NUP37: variants seen among roughly 807,000 people sequenced by gnomAD.
NUP37 encodes nucleoporin Nup37.
A neutral mutation model predicts 45.4 loss-of-function variants in NUP37; 33 were observed. The observed-to-expected ratio is 0.73, with a 90% CI of 0.55 to 0.97. The LOEUF (loss-of-function observed/expected upper bound fraction) is 0.97, where lower values mean the gene tolerates loss of function less well. Ranked by LOEUF, NUP37 falls within the 50% of genes least tolerant of loss-of-function variation. The pLI is 0.00. For missense variants in NUP37, 365 were observed against 389.7 expected (o/e 0.94, Z 0.53); for synonymous variants, 127 against 130.7 (o/e 0.97, Z 0.19).
intron 1 of NUP37, among the ~76,000 whole-genome samples, chr12:102,118,821 T>C (rs1880579558): frequency 6.6e-6 from 1 of 152,236 alleles, no homozygotes; most frequent in South Asian, 2.1e-4. Context: ...ACTGCAAAGT[T>C]CTGTTTAGAT....
chr12:102,105,406 T>C (rs571217226), intron 3 of NUP37, among the ~76,000 whole-genome samples: 1 of 151,876 alleles, frequency 6.6e-6, no homozygotes, highest in Non-Finnish European at 1.5e-5. Context: ...GGCGTGTGCC[T>C]GTAGTCCCAG....
chr12:102,076,553 G>A (rs940703288), intron 8 of NUP37, among the ~76,000 whole-genome samples: 1 of 152,154 alleles, frequency 6.6e-6, no homozygotes, highest in Non-Finnish European at 1.5e-5. Context: ...AAATTGTAGG[G>A]GTGGTAGTGG....
intron 8 of NUP37, among the ~76,000 whole-genome samples, chr12:102,075,891 T>G (rs909266383): frequency 5.9e-5 from 9 of 152,038 alleles, no homozygotes; most frequent in African/African-American, 1.9e-4. Context: ...TTTTTTTTTT[T>G]GTTTAATTGT....
At chr12:102,085,726 C>A (rs1402190052) in intron 6 of NUP37, 40 bp downstream of exon 6, 3 of 980,958 alleles carry the variant, frequency 3.1e-6, no homozygotes, top group African/African-American at 1.7e-5. Flanking sequence ...CTCTATAAGT[C>A]TTTTCAATTT....
intron 4 of NUP37, among the ~76,000 whole-genome samples, chr12:102,100,103 C>T (rs1225486754): frequency 1.3e-5 from 2 of 152,064 alleles, no homozygotes; most frequent in Non-Finnish European, 2.9e-5. Flanking sequence ...CTAAATTAAC[C>T]GTAAATGTTT....
At chr12:102,119,891 C>A (rs747732666) in intron 1 of NUP37, among the ~76,000 whole-genome samples, 159 bp downstream of exon 1, 1 of 152,182 alleles carries the variant, frequency 6.6e-6, no homozygotes, top group African/African-American at 2.4e-5. Flanking sequence ...CTGCAATGAG[C>A]GCCGACACCT....
chr12:102,113,470 A>G (rs1318039299), intron 2 of NUP37, among the ~76,000 whole-genome samples: 1 of 152,220 alleles, frequency 6.6e-6, no homozygotes, highest in African/African-American at 2.4e-5. Flanking sequence ...GCCTTTATGG[A>G]TAACACATTT....
chr12:102,110,368 G>A (rs1025870265), intron 3 of NUP37, among the ~76,000 whole-genome samples: 5 of 151,640 alleles, frequency 3.3e-5, no homozygotes, highest in African/African-American at 1.2e-4. Context: ...GGGAGTGGTG[G>A]TGCATGCCTG....
chr12:102,104,098 G>A (rs557764216), intron 3 of NUP37, among the ~76,000 whole-genome samples: 8 of 152,272 alleles, frequency 5.3e-5, no homozygotes, highest in African/African-American at 1.4e-4. Flanking sequence ...GTATAGAAAA[G>A]TTTCAATTTC....
chr12:102,094,131 ATC>A (rs1222027554), intron 5 of NUP37, among the ~76,000 whole-genome samples: 1 of 152,106 alleles, frequency 6.6e-6, no homozygotes, highest in Non-Finnish European at 1.5e-5. Flanking sequence ...ACGACAAAGA[ATC>A]TCTATGTTCC....
chr12:102,104,841 T>C (rs1188615370), intron 3 of NUP37, among the ~76,000 whole-genome samples: 3 of 152,242 alleles, frequency 2.0e-5, no homozygotes, highest in African/African-American at 7.2e-5. Context: ...ACTGTTTTGA[T>C]TACTGTATAG....
intron 3 of NUP37, 83 bp from the exon 4 acceptor site, chr12:102,101,187 G>T: frequency 1.5e-6 from 1 of 647,464 alleles, no homozygotes. Flanking sequence ...CTTCCCTTCA[G>T]ATCACTGAAG....
intron 1 of NUP37, 130 bp from the exon 2 acceptor site, chr12:102,118,713 G>A: frequency 6.0e-6 from 3 of 503,486 alleles, no homozygotes; most frequent in South Asian, 7.4e-5. Flanking sequence ...ACTTATCAAG[G>A]GACAGAAACT....
chr12:102,083,396 G>A (rs1037807548), intron 6 of NUP37, among the ~76,000 whole-genome samples: 2 of 152,206 alleles, frequency 1.3e-5, no homozygotes, highest in Non-Finnish European at 2.9e-5. Context: ...TAATTCTACT[G>A]ATGAAAGACT....
chr12:102,090,136 TTC>T (rs1175577674), intron 5 of NUP37, among the ~76,000 whole-genome samples: 1 of 152,212 alleles, frequency 6.6e-6, no homozygotes, highest in African/African-American at 2.4e-5. Context: ...AGCCAAAACT[TTC>T]TCTCATTTTC....
intron 3 of NUP37, among the ~76,000 whole-genome samples, chr12:102,108,828 C>A (rs1402235888): frequency 6.6e-6 from 1 of 152,090 alleles, no homozygotes; most frequent in Non-Finnish European, 1.5e-5. Context: ...TCAGTTATAG[C>A]ATAATGAAAT....
Position 102,073,604 on chromosome 12 carries a change from A to AT in NUP37, c.*749dup, listed in dbSNP as rs950160877. ...TCACATATTTAAGAAACTGAAAACAATTTTTTACATTAAATTGAGTACACA... is the reference window on the plus strand; with the variant it reads ...TCACATATTTAAGAAACTGAAAACAATTTTTTTACATTAAATTGAGTACACA... On this transcript the variant is annotated 3_prime_UTR_variant, in exon 10 of 10. Coordinates refer to ENST00000552283, the MANE Select transcript of NUP37 (RefSeq NM_024057.4). 1 of 152,122 alleles carries AT rather than the reference A, an allele frequency of 6.6e-6. No individual in the cohort carries two copies. Among genetic ancestry groups the AT allele is most frequent in the African/African-American group, 2.4e-5 (1 of 41,408 alleles). The allele number at this position is 152,122 out of a possible 1,614,324, so 9.4% of individuals were successfully genotyped here. A position where few individuals can be genotyped will look rare whatever the true frequency, so the allele number is the denominator to read the frequency against.
chr12:102,084,006 T>C (rs150317506), intron 6 of NUP37, among the ~76,000 whole-genome samples: 1 of 152,138 alleles, frequency 6.6e-6, no homozygotes, highest in Non-Finnish European at 1.5e-5. Context: ...CATTTAGAAA[T>C]AAAAGGTGTG....
Position 102,101,117 on chromosome 12 carries a change from A to C in NUP37, c.282-13T>G, listed in dbSNP as rs1879960247. On this transcript the variant is annotated splice_polypyrimidine_tract_variant and intron_variant, in intron 3 of 9. Transcript: ENST00000552283. The stretch of plus-strand genomic sequence containing the variant: ...TGAAGTACAAAATCTGGAAGCAAAA[A>C]AACAAAAATATACCAATTTTTAGCC... 6.6e-7 allele frequency: 1 copy of C among 1,523,946 alleles called. No individual in the cohort carries two copies. Among genetic ancestry groups the C allele is most frequent in the African/African-American group, 1.4e-5 (1 of 71,654 alleles). The allele number at this position is 1,523,946 out of a possible 1,614,324, so 94.4% of individuals were successfully genotyped here. A position where few individuals can be genotyped will look rare whatever the true frequency, so the allele number is the denominator to read the frequency against.
Sources: allele counts gnomAD v4.1 joint callset (sites outside exome capture counted in the v4.1 genomes callset), GRCh38; gene constraint gnomAD v4.1.1; transcripts MANE v1.5; gene names NCBI Gene and HGNC (gene_info 2026-07-23, HGNC 2026-07-21).